The following CACNA2D4 variants were observed in gnomAD, a reference collection of about 807,000 sequenced individuals.
The protein encoded by CACNA2D4 is calcium voltage-gated channel auxiliary subunit alpha2delta 4.
CACNA2D4 carries 157 observed loss-of-function variants against 163.8 expected under a neutral mutation model. The observed-to-expected ratio is 0.96, with a 90% CI of 0.84 to 1.09. The LOEUF is 1.09. Among genes scored for constraint, CACNA2D4 ranks in the 50% least tolerant of loss-of-function variants. The pLI, the probability that CACNA2D4 is intolerant of heterozygous loss-of-function variation, is 0.00. For synonymous variants in CACNA2D4, 598 were observed against 586.9 expected, an observed-to-expected ratio of 1.02 and a Z score of -0.27; for missense variants, 1,410 against 1,479.9, an observed-to-expected ratio of 0.95 and a Z score of 0.78.
At chr12:1,891,559 A>G (rs1866281126) in intron 6 of CACNA2D4, among the ~76,000 whole-genome samples, 1 of 152,164 alleles carries the variant, frequency 6.6e-6, no homozygotes, top group African/African-American at 2.4e-5. Context: ...AAAGAACACA[A>G]TAATTCTTCA....
At chr12:1,915,326 C>T (rs1866944573) in intron 1 of CACNA2D4, 7 of 696,304 alleles carry the variant, frequency 1.0e-5, no homozygotes, top group Middle Eastern at 2.7e-4. Context: ...GTTGTGGGGC[C>T]GGGCTGACGA....
intron 25 of CACNA2D4, among the ~76,000 whole-genome samples, chr12:1,842,564 T>C (rs1345734900): frequency 6.6e-6 from 1 of 152,160 alleles, no homozygotes; most frequent in Non-Finnish European, 1.5e-5. Flanking sequence ...CAGGCCCCCT[T>C]TTTGGGCTCC....
At position 1,795,749 on chromosome 12, in the gene CACNA2D4, T is replaced by C; in HGVS notation, c.3145A>G (p.Asn1049Asp). 1.9e-6 allele frequency: 3 copies of C among 1,613,202 alleles called. No homozygotes were observed. The South Asian group carries it at 3.3e-5, about 18-fold the overall frequency. ...GGGTCTGTCACCAGGAGGAGGAGGTTACTGTTGGGAATCTGCTGCACCACA... is the reference window on the plus strand; with the variant it reads ...GGGTCTGTCACCAGGAGGAGGAGGTCACTGTTGGGAATCTGCTGCACCACA... ...VFVVQQIPNS[N>D]LLLLVTDPTC... The change falls in exon 36 of 38, where the codon AAC becomes GAC. Residue 1049 changes from asparagine to aspartate, a missense_variant. Physicochemically the swap from Asn to Asp is conservative, Grantham distance 23. Coordinates refer to ENST00000382722, the MANE Select transcript of CACNA2D4 (RefSeq NM_172364.5).
intron 26 of CACNA2D4, among the ~76,000 whole-genome samples, chr12:1,826,706 C>CG (rs34310582): frequency 0.41 from 61,954 of 152,150 alleles, 15,203 homozygotes; most frequent in East Asian, 0.83. Context: ...CTGCCCTTGC[C>CG]GGGGGCAGAG....
Position 1,844,283 on chromosome 12 carries a change from G to A in CACNA2D4, c.2470+119C>T. 3.2e-6 allele frequency: 4 copies of A among 1,231,272 alleles called. No individual in the cohort carries two copies. The highest frequency in any genetic ancestry group is 2.4e-5 in the Admixed American group (1 of 41,358). 76.3% of individuals were successfully genotyped at this position (1,231,272 alleles called of 1,614,324 possible). A position where few individuals can be genotyped will look rare whatever the true frequency, so the allele number is the denominator to read the frequency against. On this transcript the variant is annotated intron_variant, in intron 25 of 37. Transcript: ENST00000382722. This position sits in a 1 kb window ranked among gnomAD's most constrained non-coding sequence, Gnocchi z 4.2. ...GGAGGGAAGGCAGGAGGGGAACCCT[G>A]GTGGTCTGGACATTCTATTCCATAT...
chr12:1,827,318 C>G (rs1040310687), intron 26 of CACNA2D4: 1 of 152,700 alleles, frequency 6.5e-6, no homozygotes, highest in Non-Finnish European at 1.5e-5. Context: ...CCCTTGTCCC[C>G]CGCGAAGGAA....
chr12:1,823,399 C>T (rs1462124317), intron 26 of CACNA2D4: 1 of 152,064 alleles, frequency 6.6e-6, no homozygotes, highest in Non-Finnish European at 1.5e-5. Context: ...ACCTAGCTCT[C>T]TGCAGTGAGT....
At position 1,834,157 on chromosome 12, in the gene CACNA2D4, G is replaced by A; in HGVS notation, c.2551+6582C>T. 1 of 1,251,182 alleles carries A rather than the reference G, an allele frequency of 8.0e-7. No individual in the cohort carries two copies. The highest frequency in any genetic ancestry group is 2.8e-5 in the Admixed American group (1 of 35,766). The allele number at this position is 1,251,182 out of a possible 1,614,324, so 77.5% of individuals were successfully genotyped here. ...TGGTGATTCCAGGATTGACTACATT[G>A]CTGATAAAAACTACCTTCTGGGGCT... On this transcript the variant is annotated intron_variant, in intron 26 of 37. Coordinates refer to ENST00000382722, the MANE Select transcript of CACNA2D4 (RefSeq NM_172364.5). The surrounding 1 kb of genome is among the most constrained non-coding windows in gnomAD (Gnocchi z 7.6).
At position 1,820,616 on chromosome 12, in the gene CACNA2D4, G is replaced by C. The variant is rs937854528; in HGVS notation, c.2552-8893C>G. ...GACTGACCCAGCAGCCCCGTCCCCCGTCTGCCACAAGCAGTCCACCTCCTG... is the reference window on the plus strand; with the variant it reads ...GACTGACCCAGCAGCCCCGTCCCCCCTCTGCCACAAGCAGTCCACCTCCTG... On this transcript the variant is annotated intron_variant, in intron 26 of 37. Coordinates refer to ENST00000382722, the MANE Select transcript of CACNA2D4 (RefSeq NM_172364.5). The surrounding 1 kb of genome is among the most constrained non-coding windows in gnomAD (Gnocchi z 6.0). 1.3e-5 allele frequency: 2 copies of C among 152,280 alleles called. No individual in the cohort carries two copies. The highest frequency in any genetic ancestry group is 6.6e-5 in the Admixed American group (1 of 15,262). The allele number at this position is 152,280 out of a possible 1,614,324, so 9.4% of individuals were successfully genotyped here.
At chr12:1,811,878 G>T in intron 26 of CACNA2D4, 155 bp from the exon 27 acceptor site, 22 of 623,484 alleles carry the variant, frequency 3.5e-5, no homozygotes, top group Non-Finnish European at 4.5e-5. Flanking sequence ...GCAAACTGGG[G>T]TTTCTGGGGA....
At position 1,833,222 on chromosome 12, in the gene CACNA2D4, A is replaced by G. The variant is rs141493742; in HGVS notation, c.2551+7517T>C. Among the ~76,000 whole-genome samples, 9 of 152,308 alleles carry G rather than the reference A, an allele frequency of 5.9e-5. No individual in the cohort carries two copies. The highest frequency in any genetic ancestry group is 3.3e-4 in the Admixed American group (5 of 15,302). On this transcript the variant is annotated intron_variant, in intron 26 of 37. Coordinates refer to ENST00000382722, the MANE Select transcript of CACNA2D4 (RefSeq NM_172364.5). The surrounding 1 kb of genome is among the most constrained non-coding windows in gnomAD (Gnocchi z 4.2). Reference sequence around the variant, plus strand: ...GGGAAAGATTGATGCCTATTGTATGAGGAGACTTGCGGCAGATGGGCTGCA... The same window carrying G: ...GGGAAAGATTGATGCCTATTGTATGGGGAGACTTGCGGCAGATGGGCTGCA...
chr12:1,837,579 G>A (rs1231188110), intron 26 of CACNA2D4, among the ~76,000 whole-genome samples: 2 of 152,132 alleles, frequency 1.3e-5, no homozygotes, highest in Non-Finnish European at 2.9e-5. Context: ...GGCCAAGGCG[G>A]AATTTTCTCC....
In CACNA2D4 at chr12:1,882,597, C is replaced by T. The variant is rs373386560; in HGVS notation, c.1485+270G>A. ...GTGGAGGAGGAGGAAGGAACAACTT[C>T]GGAGCAGGGACCCTGTCCGTGGAGA... is the stretch of plus-strand genomic sequence containing the variant. On this transcript the variant is annotated intron_variant, in intron 13 of 37. Coordinates refer to ENST00000382722, the MANE Select transcript of CACNA2D4 (RefSeq NM_172364.5). 5.9e-5 allele frequency among the ~76,000 whole-genome samples: 9 copies of T among 152,108 alleles called. No individual in the cohort carries two copies. In the South Asian group the frequency reaches 1.0e-3, roughly 18 times the overall value.
chr12:1,887,553 G>A (rs1866178056), intron 6 of CACNA2D4, among the ~76,000 whole-genome samples: 1 of 152,214 alleles, frequency 6.6e-6, no homozygotes, highest in Admixed American at 6.5e-5. Flanking sequence ...GGCTCTTTGA[G>A]GTCAGGGATT....
At chr12:1,796,466 T>C (rs111663721) in intron 35 of CACNA2D4, among the ~76,000 whole-genome samples, 6,149 of 152,336 alleles carry the variant, frequency 0.04, 180 homozygotes, top group Non-Finnish European at 0.059. Flanking sequence ...CCCACGGTCA[T>C]AAGCGGGGGA....
intron 34 of CACNA2D4, 149 bp from the exon 35 acceptor site, chr12:1,797,684 G>C (rs1467919467): frequency 1.4e-6 from 1 of 696,742 alleles, no homozygotes; most frequent in African/African-American, 1.8e-5. Flanking sequence ...GGGAGGAGCC[G>C]GGCGGGGGGT....
chr12:1,819,107 C>T (rs893338915), intron 26 of CACNA2D4, among the ~76,000 whole-genome samples: 1 of 151,990 alleles, frequency 6.6e-6, no homozygotes, highest in African/African-American at 2.4e-5. Flanking sequence ...GGAGCAGGGC[C>T]AGTCCTGTGG....
At chr12:1,816,968 A>G (rs1863897802) in intron 26 of CACNA2D4, among the ~76,000 whole-genome samples, 1 of 152,238 alleles carries the variant, frequency 6.6e-6, no homozygotes, top group Non-Finnish European at 1.5e-5. Flanking sequence ...ATGAGTTTGC[A>G]CACTGTTGAG....
intron 18 of CACNA2D4, among the ~76,000 whole-genome samples, chr12:1,866,861 G>A (rs1410202068): frequency 6.7e-6 from 1 of 149,150 alleles, no homozygotes; most frequent in African/African-American, 2.5e-5. Flanking sequence ...ACGAACTCCT[G>A]GGCTCAAGTG....
Sources: gnomAD v4.1 joint callset for allele counts (sites outside exome capture counted in the v4.1 genomes callset) on GRCh38, gnomAD v4.1.1 for gene constraint, Gnocchi (gnomAD v3.1) non-coding constraint, MANE v1.5 for transcripts, NCBI Gene and HGNC (gene_info 2026-07-23, HGNC 2026-07-21) for gene names.